WDR5B: variants seen among roughly 807,000 people sequenced by gnomAD.
WDR5B encodes WD repeat domain 5B.
WDR5B carries 17 observed loss-of-function variants against 24.0 expected under a neutral mutation model. The observed-to-expected ratio is 0.71, with a 90% CI of 0.49 to 1.06. WDR5B has a LOEUF of 1.06. WDR5B is among the 50% of genes least tolerant of loss of function. The probability of loss-of-function intolerance (pLI) is 0.00; values close to 1 mark genes in which losing one functional copy is unlikely to be tolerated. For synonymous variants in WDR5B, 150 were observed against 146.4 expected (o/e 1.02, Z -0.18); for missense variants, 368 against 384.1 (o/e 0.96, Z 0.35).
Position 122,415,837 on chromosome 3 carries a change from G to C in WDR5B, c.-309C>G. The stretch of plus-strand genomic sequence containing the variant: ...TAATACATAAAGCCTTCAAAGCAGG[G>C]GCGACGCGAGGGGCACTCTCTACAG... On this transcript the variant is annotated 5_prime_UTR_variant, in exon 1 of 1. Coordinates refer to ENST00000330689, the MANE Select transcript of WDR5B (RefSeq NM_019069.4). The C allele has an allele frequency of 3.5e-6, 1 of 284,416 alleles. No homozygotes were observed. The highest frequency in any genetic ancestry group is 7.0e-6 in the Non-Finnish European group (1 of 143,000). 17.6% of individuals were successfully genotyped at this position (284,416 alleles called of 1,614,324 possible). A position where few individuals can be genotyped will look rare whatever the true frequency, so the allele number is the denominator to read the frequency against.
rs1465507636 is a variant in WDR5B, at chr3:122,415,676, TCTTTAAA to T, written c.-155_-149del. ...TTGAAAGCTTAAAGTTTCTGGACAGTCTTTAAACTGTGAGACGGAATCAGCAGCACGG... is the reference window on the plus strand; with the variant it reads ...TTGAAAGCTTAAAGTTTCTGGACAGTCTGTGAGACGGAATCAGCAGCACGG... On this transcript the variant is annotated 5_prime_UTR_variant, in exon 1 of 1. Transcript: ENST00000330689. The T allele has an allele frequency of 2.9e-6, 3 of 1,018,526 alleles. No individual in the cohort carries two copies. Among genetic ancestry groups the T allele is most frequent in the Non-Finnish European group, 4.2e-6 (3 of 713,436 alleles). 63.1% of individuals were successfully genotyped at this position (1,018,526 alleles called of 1,614,324 possible). A position where few individuals can be genotyped will look rare whatever the true frequency, so the allele number is the denominator to read the frequency against.
At position 122,414,799 on chromosome 3, in the gene WDR5B, A is replaced by G. The variant is rs750493497; in HGVS notation, c.730T>C (p.Cys244Arg). The part of the protein sequence containing the change: ...LKLWDYSRGR[C>R]LKTYTGHKNE... ...TTATGACCAGTGTATGTTTTCAGGCACCTGCCTCTGCTATAATCCCATAGT... is the reference window on the plus strand; with the variant it reads ...TTATGACCAGTGTATGTTTTCAGGCGCCTGCCTCTGCTATAATCCCATAGT... The change falls in exon 1 of 1, where the codon TGC becomes CGC. Residue 244 changes from cysteine (C) to arginine (R), a missense_variant. Physicochemically the swap from Cys to Arg is radical, Grantham distance 180 (BLOSUM62 -3). Coordinates refer to ENST00000330689, the MANE Select transcript of WDR5B (RefSeq NM_019069.4). 6.2e-7 allele frequency: 1 copy of G among 1,613,678 alleles called. No individual in the cohort carries two copies.
rs61736420 is a variant in WDR5B, at chr3:122,414,800, C to T, written c.729G>A (p.Arg243=). The change falls in exon 1 of 1, where the codon AGG becomes AGA. Residue 243 remains arginine, a synonymous_variant. Coordinates refer to ENST00000330689, the MANE Select transcript of WDR5B (RefSeq NM_019069.4). The part of the protein sequence containing the change: ...TLKLWDYSRG[R]CLKTYTGHKN... ...TATGACCAGTGTATGTTTTCAGGCA[C>T]CTGCCTCTGCTATAATCCCATAGTT... is the stretch of plus-strand genomic sequence containing the variant. 1.2e-3 allele frequency: 1,888 copies of T among 1,614,146 alleles called. 12 individuals carry two copies. The African/African-American group carries it at 0.019, about 16-fold the overall frequency.
rs753018030 is a variant in WDR5B, at chr3:122,414,894, G to A, written c.635C>T (p.Pro212Leu). ...LKTLVDDDNP[P>L]VSFVKFSPNG... ...TGGAGAAAATTTTACAAAAGAGACA[G>A]GAGGGTTATCGTCATCAACGAGCGT... The change falls in exon 1 of 1, where the codon CCT (proline) becomes CTT (leucine). Residue 212 changes from proline to leucine, a missense_variant. Transcript: ENST00000330689. The A allele has an allele frequency of 1.2e-5, 19 of 1,614,220 alleles. No individual in the cohort carries two copies. The South Asian group carries it at 2.1e-4, about 18-fold the overall frequency.
In WDR5B at chr3:122,412,629, G is replaced by A. The variant is rs1410259466; in HGVS notation, c.*1907C>T. ...TGTGGTTGCAGGCAGGCCGGCAGTG[G>A]ATGGTTCCTTCAGTGATTTCTGAAC... On this transcript the variant is annotated 3_prime_UTR_variant, in exon 1 of 1. Coordinates refer to ENST00000330689, the MANE Select transcript of WDR5B (RefSeq NM_019069.4). 1.3e-5 allele frequency: 2 copies of A among 152,234 alleles called. No homozygotes were observed. The highest frequency in any genetic ancestry group is 4.8e-5 in the African/African-American group (2 of 41,444). The allele number at this position is 152,234 out of a possible 1,614,324, so 9.4% of individuals were successfully genotyped here.
chr3:122,414,512 TCTA>T lies in WDR5B; in HGVS notation c.*21_*23del, dbSNP rs1234874833. 1.3e-6 allele frequency: 2 copies of T among 1,572,222 alleles called. No individual in the cohort carries two copies. The highest frequency in any genetic ancestry group is 1.9e-5 in the Admixed American group (1 of 53,628). On this transcript the variant is annotated 3_prime_UTR_variant, in exon 1 of 1. Transcript: ENST00000330689. Reference sequence around the variant, plus strand: ...ATCCAAGTTTTTTGGCCAACTTGGCTCTACTACTTGATTTTCAAAGGGATTAGT... The same window carrying T: ...ATCCAAGTTTTTTGGCCAACTTGGCTCTACTTGATTTTCAAAGGGATTAGT...
rs781442897 is a variant in WDR5B, at chr3:122,415,233, A to G, written c.296T>C (p.Val99Ala). 6.2e-7 allele frequency: 1 copy of G among 1,614,228 alleles called. No homozygotes were observed. Among genetic ancestry groups the G allele is most frequent in the South Asian group, 1.1e-5 (1 of 91,074 alleles). The change falls in exon 1 of 1, where the codon GTT becomes GCT. Residue 99 changes from valine (V) to alanine (A), a missense_variant. Coordinates refer to ENST00000330689, the MANE Select transcript of WDR5B (RefSeq NM_019069.4). ...VAWSSDSSRL[V>A]SASDDKTLKL... ...TAGAGTTTTATCATCTGAGGCAGAA[A>G]CAAGACGACTGGAATCTGATGACCA...
At position 122,414,893 on chromosome 3, in the gene WDR5B, A is replaced by C; in HGVS notation, c.636T>G (p.Pro212=). Residue 212 remains proline (P), a synonymous_variant, in exon 1 of 1, where the codon CCT becomes CCG. Transcript: ENST00000330689. ...LKTLVDDDNP[P]VSFVKFSPNG... Reference sequence around the variant, plus strand: ...TTGGAGAAAATTTTACAAAAGAGACAGGAGGGTTATCGTCATCAACGAGCG... The same window carrying C: ...TTGGAGAAAATTTTACAAAAGAGACCGGAGGGTTATCGTCATCAACGAGCG... 6.2e-7 allele frequency: 1 copy of C among 1,614,256 alleles called. No homozygotes were observed. The highest frequency in any genetic ancestry group is 8.5e-7 in the Non-Finnish European group (1 of 1,180,048).
In WDR5B at chr3:122,414,574, T is replaced by G; in HGVS notation, c.955A>C (p.Asn319His). 1 of 1,614,166 alleles carries G rather than the reference T, an allele frequency of 6.2e-7. No homozygotes were observed. The highest frequency in any genetic ancestry group is 8.5e-7 in the Non-Finnish European group (1 of 1,180,030). ...ENLIASAALENDKTIKLWMSN... is the reference protein window; with the variant it reads ...ENLIASAALEHDKTIKLWMSN... ...ATCCACAGTTTAATTGTTTTGTCAT[T>G]TTCTAATGCTGCTGATGCGATGAGG... Residue 319 changes from asparagine to histidine, a missense_variant, in exon 1 of 1, where the codon AAT (asparagine) becomes CAT (histidine). By Grantham distance (68) the Asn-to-His change is moderately conservative. Coordinates refer to ENST00000330689, the MANE Select transcript of WDR5B (RefSeq NM_019069.4).
Position 122,415,515 on chromosome 3 carries a change from T to A in WDR5B, c.14A>T (p.Glu5Val). ...CAACTGTGCTTTGGCGTCTCTTGAC[T>A]CCTTGGTTGCCATGGCTCTGAAGCT... Reference protein sequence around the residue: MATKESRDAKAQLAL... With the variant: MATKVSRDAKAQLAL... Residue 5 changes from glutamate (E) to valine (V), a missense_variant, in exon 1 of 1, where the codon GAG (glutamate) becomes GTG (valine). Coordinates refer to ENST00000330689, the MANE Select transcript of WDR5B (RefSeq NM_019069.4). The A allele has an allele frequency of 6.2e-7, 1 of 1,611,030 alleles. No homozygotes were observed. The highest frequency in any genetic ancestry group is 8.5e-7 in the Non-Finnish European group (1 of 1,178,248).
In WDR5B at chr3:122,412,838, C is replaced by A. The variant is rs1362513186; in HGVS notation, c.*1698G>T. ...GAAATTTTTAGACTCTTAGAATGAA[C>A]CTAACCTTGGCGTATTTTTCCGGTT... is the stretch of plus-strand genomic sequence containing the variant. On this transcript the variant is annotated 3_prime_UTR_variant, in exon 1 of 1. Coordinates refer to ENST00000330689, the MANE Select transcript of WDR5B (RefSeq NM_019069.4). 6.6e-6 allele frequency: 1 copy of A among 152,196 alleles called. No individual in the cohort carries two copies. The highest frequency in any genetic ancestry group is 1.5e-5 in the Non-Finnish European group (1 of 68,050). The allele number at this position is 152,196 out of a possible 1,614,324, so 9.4% of individuals were successfully genotyped here.
rs781780284 is a variant in WDR5B, at chr3:122,414,686, A to C, written c.843T>G (p.Ile281Met). 1 of 1,614,190 alleles carries C rather than the reference A, an allele frequency of 6.2e-7. No individual in the cohort carries two copies. Among genetic ancestry groups the C allele is most frequent in the South Asian group, 1.1e-5 (1 of 91,088 alleles). Reference protein sequence around the residue: ...VSGSEDNLVYIWNLQTKEIVQ... With the variant: ...VSGSEDNLVYMWNLQTKEIVQ... ...CAATCTCTTTAGTCTGAAGGTTCCA[A>C]ATGTAAACCAGGTTATCCTCGGAAC... Residue 281 changes from isoleucine to methionine, a missense_variant, in exon 1 of 1, where the codon ATT becomes ATG. Ile to Met is a conservative substitution (Grantham distance 10, BLOSUM62 1). Transcript: ENST00000330689.
chr3:122,413,099 T>C lies in WDR5B; in HGVS notation c.*1437A>G, dbSNP rs573093314. ...ATATTTCTCAAATACACTGATCCTC[T>C]AGGATAGTCACTGAGAGGAATGAGA... On this transcript the variant is annotated 3_prime_UTR_variant, in exon 1 of 1. Transcript: ENST00000330689. 1 of 152,300 alleles carries C rather than the reference T, an allele frequency of 6.6e-6. No individual in the cohort carries two copies. The highest frequency in any genetic ancestry group is 2.1e-4 in the South Asian group (1 of 4,824). 9.4% of individuals were successfully genotyped at this position (152,300 alleles called of 1,614,324 possible). A position where few individuals can be genotyped will look rare whatever the true frequency, so the allele number is the denominator to read the frequency against.
In WDR5B at chr3:122,414,993, C is replaced by T; in HGVS notation, c.536G>A (p.Gly179Glu). 1 of 1,614,100 alleles carries T rather than the reference C, an allele frequency of 6.2e-7. No homozygotes were observed. Among genetic ancestry groups the T allele is most frequent in the Non-Finnish European group, 8.5e-7 (1 of 1,180,030 alleles). The change falls in exon 1 of 1, where the codon GGG becomes GAG. Residue 179 changes from glycine (G) to glutamate (E), a missense_variant. By Grantham distance (98) the Gly-to-Glu change is moderately conservative. Transcript: ENST00000330689. ...ATAGCTACCTGACACTATCAAGGAC[C>T]CACTACAATTAAAATGAACAGCAGA... Reference protein sequence around the residue: ...PVSAVHFNCSGSLIVSGSYDG... With the variant: ...PVSAVHFNCSESLIVSGSYDG...
In WDR5B at chr3:122,412,171, G is replaced by C. The variant is rs2075708895; in HGVS notation, c.*2365C>G. On this transcript the variant is annotated 3_prime_UTR_variant, in exon 1 of 1. Transcript: ENST00000330689. ...ACAAACTACAAAAGGAGACAGTTTT[G>C]CCCTTGTTGCTTTCAGTTAAATTAT... is the stretch of plus-strand genomic sequence containing the variant. 1 of 152,058 alleles carries C rather than the reference G, an allele frequency of 6.6e-6. No homozygotes were observed. The highest frequency in any genetic ancestry group is 6.5e-5 in the Admixed American group (1 of 15,274). 9.4% of individuals were successfully genotyped at this position (152,058 alleles called of 1,614,324 possible). A position where few individuals can be genotyped will look rare whatever the true frequency, so the allele number is the denominator to read the frequency against.
rs1183279526 is a variant in WDR5B, at chr3:122,413,693, G to A, written c.*843C>T. Reference sequence around the variant, plus strand: ...TACAACCTCTGGAAAACAGTATGGAGATTTTCCAACTAAAAACTACCATTC... The same window carrying A: ...TACAACCTCTGGAAAACAGTATGGAAATTTTCCAACTAAAAACTACCATTC... On this transcript the variant is annotated 3_prime_UTR_variant, in exon 1 of 1. Transcript: ENST00000330689. The A allele has an allele frequency of 6.6e-6, 1 of 152,144 alleles. No individual in the cohort carries two copies. Among genetic ancestry groups the A allele is most frequent in the African/African-American group, 2.4e-5 (1 of 41,426 alleles). The allele number at this position is 152,144 out of a possible 1,614,324, so 9.4% of individuals were successfully genotyped here. A position where few individuals can be genotyped will look rare whatever the true frequency, so the allele number is the denominator to read the frequency against.
rs986717497 is a variant in WDR5B, at chr3:122,413,971, A to G, written c.*565T>C. On this transcript the variant is annotated 3_prime_UTR_variant, in exon 1 of 1. Transcript: ENST00000330689. The stretch of plus-strand genomic sequence containing the variant: ...TACTTATATACATACACATACACAT[A>G]TATGCATACACACACACACATACAC... The G allele has an allele frequency of 6.4e-6, 1 of 155,384 alleles. No individual in the cohort carries two copies. Among genetic ancestry groups the G allele is most frequent in the Non-Finnish European group, 1.4e-5 (1 of 70,174 alleles). The allele number at this position is 155,384 out of a possible 1,614,324, so 9.6% of individuals were successfully genotyped here. A position where few individuals can be genotyped will look rare whatever the true frequency, so the allele number is the denominator to read the frequency against.
Position 122,415,632 on chromosome 3 carries a change from GA to G in WDR5B, c.-105del, listed in dbSNP as rs1317075765. 1 of 1,420,086 alleles carries G rather than the reference GA, an allele frequency of 7.0e-7. No individual in the cohort carries two copies. The highest frequency in any genetic ancestry group is 1.4e-5 in the African/African-American group (1 of 69,760). The allele number at this position is 1,420,086 out of a possible 1,614,324, so 88.0% of individuals were successfully genotyped here. A position where few individuals can be genotyped will look rare whatever the true frequency, so the allele number is the denominator to read the frequency against. ...CAGCAAAATGAAGATAAACGCACAG[GA>G]TTTTAAAATGTACAGTTTTGAAAGC... On this transcript the variant is annotated 5_prime_UTR_variant, in exon 1 of 1. Transcript: ENST00000330689.
Position 122,415,641 on chromosome 3 carries a change from A to G in WDR5B, c.-113T>C, listed in dbSNP as rs559756676. The stretch of plus-strand genomic sequence containing the variant: ...GAAGATAAACGCACAGGATTTTAAA[A>G]TGTACAGTTTTGAAAGCTTAAAGTT... On this transcript the variant is annotated 5_prime_UTR_variant, in exon 1 of 1. Coordinates refer to ENST00000330689, the MANE Select transcript of WDR5B (RefSeq NM_019069.4). 1.4e-6 allele frequency: 2 copies of G among 1,385,630 alleles called. No individual in the cohort carries two copies. The highest frequency in any genetic ancestry group is 2.9e-5 in the South Asian group (2 of 69,006). The allele number at this position is 1,385,630 out of a possible 1,614,324, so 85.8% of individuals were successfully genotyped here.
Sources: gnomAD v4.1 joint callset for allele counts on GRCh38, gnomAD v4.1.1 for gene constraint, MANE v1.5 for transcripts, NCBI Gene and HGNC (gene_info 2026-07-23, HGNC 2026-07-21) for gene names.